Variants in TRAK1 observed in about 807,000 individuals in gnomAD.
TRAK1 encodes the protein trafficking kinesin-binding protein 1.
In TRAK1, 33 loss-of-function variants were observed where a neutral mutation model predicts 92.1. The observed-to-expected ratio is 0.36, with a 90% CI of 0.27 to 0.48. The LOEUF (loss-of-function observed/expected upper bound fraction) is 0.48, where lower values mean the gene tolerates loss of function less well. TRAK1 is among the 20% of genes least tolerant of loss of function. The pLI is 0.99. For synonymous variants in TRAK1, 521 were observed against 517.3 expected (o/e 1.01, Z -0.10); for missense variants, 1,123 against 1,257.9 (o/e 0.89, Z 1.62).
chr3:42,178,935 A>G (rs1203968252), intron 3 of TRAK1, among the ~76,000 whole-genome samples: 2 of 152,166 alleles, frequency 1.3e-5, no homozygotes, highest in African/African-American at 2.4e-5. Context: ...AGATCATGTC[A>G]CTGCACTCCA....
intron 1 of TRAK1, chr3:42,051,788 C>T (rs1366917176): frequency 6.6e-6 from 1 of 152,252 alleles, no homozygotes; most frequent in African/African-American, 2.4e-5. Flanking sequence ...TCTGAGTGAT[C>T]TGGGAGACTG....
At chr3:42,051,010 T>C (rs576888506) in intron 1 of TRAK1, among the ~76,000 whole-genome samples, 4 of 152,364 alleles carry the variant, frequency 2.6e-5, no homozygotes, top group Admixed American at 2.6e-4. Context: ...GCTCACATTA[T>C]ACATTTAATT....
intron 4 of TRAK1, among the ~76,000 whole-genome samples, chr3:42,187,560 C>G (rs140042441): frequency 6.6e-6 from 1 of 152,094 alleles, no homozygotes; most frequent in East Asian, 1.9e-4. Flanking sequence ...CCCTGCCTCC[C>G]GTGTTCAAGC....
chr3:42,092,756 ATGTTATG>A (rs1559754388), intron 1 of TRAK1, among the ~76,000 whole-genome samples: 2 of 150,528 alleles, frequency 1.3e-5, no homozygotes, highest in Admixed American at 6.8e-5. Flanking sequence ...ATGTTATGTT[ATGTTATG>A]TTATGTTATT....
chr3:42,086,533 T>C (rs1050095254), upstream of TRAK1, among the ~76,000 whole-genome samples: 1 of 151,974 alleles, frequency 6.6e-6, no homozygotes, highest in Admixed American at 6.6e-5. Flanking sequence ...GCCAGGCTGG[T>C]CTTGAACTCC....
chr3:42,214,698 A>G (rs1055942962), intron 14 of TRAK1, among the ~76,000 whole-genome samples: 2 of 152,228 alleles, frequency 1.3e-5, no homozygotes, highest in African/African-American at 4.8e-5. Context: ...CAGAAACCAG[A>G]AAAAGATCTT....
intron 1 of TRAK1, among the ~76,000 whole-genome samples, chr3:42,079,367 G>T (rs1275372668): frequency 2.6e-5 from 4 of 152,024 alleles, no homozygotes; most frequent in South Asian, 4.1e-4. Flanking sequence ...CCATGGAGGG[G>T]ATCACCCAGG....
intron 1 of TRAK1, among the ~76,000 whole-genome samples, chr3:42,023,879 G>A (rs1349310040): frequency 6.8e-6 from 1 of 146,788 alleles, no homozygotes; most frequent in Non-Finnish European, 1.5e-5. Flanking sequence ...TCAGCCTCCC[G>A]AGTATCTGGG....
At chr3:42,018,578 T>C (rs1701615122) in intron 1 of TRAK1, among the ~76,000 whole-genome samples, 1 of 152,222 alleles carries the variant, frequency 6.6e-6, no homozygotes, top group Non-Finnish European at 1.5e-5. Flanking sequence ...ATCTTTTTTT[T>C]CTTTTAAGAA....
In TRAK1 at chr3:42,224,238, C is replaced by G; in HGVS notation, c.*501C>G. On this transcript the variant is annotated 3_prime_UTR_variant, in exon 16 of 16. Coordinates refer to ENST00000327628, the MANE Select transcript of TRAK1 (RefSeq NM_001042646.3). ...AGCCTCCATCCTCAGCCACGTGCAG[C>G]TGACGTGGCTTTCCTGATCGGAGGG... The G allele has an allele frequency of 2.8e-6, 1 of 360,180 alleles. No homozygotes were observed. Among genetic ancestry groups the G allele is most frequent in the Non-Finnish European group, 5.4e-6 (1 of 186,894 alleles). 22.3% of individuals were successfully genotyped at this position (360,180 alleles called of 1,614,324 possible).
At chr3:42,127,422 G>C (rs1252625287) in intron 2 of TRAK1, among the ~76,000 whole-genome samples, 1 of 148,508 alleles carries the variant, frequency 6.7e-6, no homozygotes, top group Non-Finnish European at 1.5e-5. Context: ...GTGCACATAT[G>C]GCTTACTGCA....
intron 14 of TRAK1, chr3:42,212,404 A>G: frequency 6.1e-6 from 6 of 985,436 alleles, no homozygotes; most frequent in Non-Finnish European, 7.2e-6. Flanking sequence ...TGATAGAAGG[A>G]AATTGGGAAA....
At chr3:42,067,594 A>T (rs1055402899) in intron 1 of TRAK1, among the ~76,000 whole-genome samples, 2 of 145,756 alleles carry the variant, frequency 1.4e-5, no homozygotes, top group Non-Finnish European at 3.0e-5. Context: ...CTTAGATGAG[A>T]TTTTTTTTTT....
intron 1 of TRAK1, among the ~76,000 whole-genome samples, chr3:42,107,575 G>T (rs974975916): frequency 2.0e-5 from 3 of 151,720 alleles, no homozygotes; most frequent in African/African-American, 7.3e-5. Flanking sequence ...TGAACTCCCA[G>T]ATTAGAACAG....
Position 42,204,384 on chromosome 3 carries a change from A to T in TRAK1, c.1744+1632A>T, listed in dbSNP as rs537866061. Among the ~76,000 whole-genome samples the T allele has an allele frequency of 3.3e-5, 5 of 152,294 alleles. No homozygotes were observed. The South Asian group carries it at 1.0e-3, about 32-fold the overall frequency. On this transcript the variant is annotated intron_variant, in intron 13 of 15. Transcript: ENST00000327628. ...TCTTTTAATTTTGTGACTTGGCAGT[A>T]TTTTTGTGATTAGTTAATAGGATAA...
chr3:42,095,452 C>G (rs909107443), intron 1 of TRAK1, among the ~76,000 whole-genome samples: 2 of 152,152 alleles, frequency 1.3e-5, no homozygotes, highest in African/African-American at 4.8e-5. Flanking sequence ...ATAACACATG[C>G]ACGTGGTAAA....
intron 1 of TRAK1, among the ~76,000 whole-genome samples, chr3:42,111,734 T>A (rs1708432384): frequency 6.6e-6 from 1 of 152,116 alleles, no homozygotes; most frequent in South Asian, 2.1e-4. Flanking sequence ...ATGCATCTAT[T>A]TTGATTAAAC....
rs116689448 is a variant in TRAK1, at chr3:42,115,921, A to T, written c.92-9499A>T. Among the ~76,000 whole-genome samples, 750 of 152,310 alleles carry T rather than the reference A, an allele frequency of 4.9e-3. 10 individuals carry two copies. The highest frequency in any genetic ancestry group is 0.017 in the African/African-American group (718 of 41,560). Reference sequence around the variant, plus strand: ...CTTCCCCCATGTCTCTGAACCTTGCAGGGCCACAGTTTCCCCTTCTGTCTT... The same window carrying T: ...CTTCCCCCATGTCTCTGAACCTTGCTGGGCCACAGTTTCCCCTTCTGTCTT... On this transcript the variant is annotated intron_variant, in intron 1 of 15. Transcript: ENST00000327628.
intron 1 of TRAK1, among the ~76,000 whole-genome samples, chr3:42,080,878 C>G (rs1305813206): frequency 6.6e-6 from 1 of 152,030 alleles, no homozygotes; most frequent in Non-Finnish European, 1.5e-5. Flanking sequence ...GACTATTAAA[C>G]TACTCTTTTT....
Sources: allele counts gnomAD v4.1 joint callset (sites outside exome capture counted in the v4.1 genomes callset), GRCh38; gene constraint gnomAD v4.1.1; transcripts MANE v1.5; gene names NCBI Gene and HGNC (gene_info 2026-07-23, HGNC 2026-07-21).